The following CYP7B1 variants were observed in gnomAD, a reference collection of about 807,000 sequenced individuals.
CYP7B1 encodes the protein cytochrome P450 7B1.
Under a neutral mutation model 42.7 loss-of-function variants are expected in CYP7B1, and 29 were observed. That is an observed-to-expected ratio of 0.68 (90% CI 0.51 to 0.93). The LOEUF (loss-of-function observed/expected upper bound fraction) is 0.93. Among genes scored for constraint, CYP7B1 ranks in the 40% least tolerant of loss-of-function variants. The pLI, the probability that CYP7B1 is intolerant of heterozygous loss-of-function variation, is 0.00. For synonymous variants in CYP7B1, 235 were observed against 218.2 expected (o/e 1.08, Z -0.68); for missense variants, 655 against 600.5 (o/e 1.09, Z -0.95).
intron 1 of CYP7B1, among the ~76,000 whole-genome samples, chr8:64,793,057 A>G (rs1240496795): frequency 6.6e-6 from 1 of 152,174 alleles, no homozygotes; most frequent in Non-Finnish European, 1.5e-5. Context: ...ATTTGAATTT[A>G]AGTGGCACCT....
chr8:64,729,596 G>A (rs1281589247), intron 1 of CYP7B1, among the ~76,000 whole-genome samples: 3 of 152,180 alleles, frequency 2.0e-5, no homozygotes, highest in African/African-American at 4.8e-5. Context: ...CCAGCATAGT[G>A]TAATTTAAAA....
rs540578806 is a variant in CYP7B1 at position 64,665,559 on chromosome 8, G to GTT, written c.123-41022_123-41021dup. 6.1e-3 allele frequency among the ~76,000 whole-genome samples: 317 copies of GTT among 52,042 alleles called. 21 individuals are homozygous for GTT. Among genetic ancestry groups the GTT allele is most frequent in the East Asian group, 0.023 (34 of 1,458 alleles). 34.1% of individuals were successfully genotyped at this position (52,042 alleles called of 152,430 possible). On this transcript the variant is annotated intron_variant, in intron 1 of 5. Coordinates refer to ENST00000310193, the MANE Select transcript of CYP7B1 (RefSeq NM_004820.5). Reference sequence around the variant, plus strand: ...ATTTTAAGTGTTTTTTTTTTTGGTGGTTTTTTTTTTTTTTTTTTTTTTTTT... The same window carrying GTT: ...ATTTTAAGTGTTTTTTTTTTTGGTGGTTTTTTTTTTTTTTTTTTTTTTTTTTT...
At chr8:64,599,565 A>G (rs1038114747) in intron 5 of CYP7B1, among the ~76,000 whole-genome samples, 2 of 152,186 alleles carry the variant, frequency 1.3e-5, no homozygotes, top group Non-Finnish European at 2.9e-5. Context: ...ATAGATGAGA[A>G]TAGAAAAATC....
At chr8:64,689,502 T>C (rs1022550527) in intron 1 of CYP7B1, among the ~76,000 whole-genome samples, 1 of 152,218 alleles carries the variant, frequency 6.6e-6, no homozygotes, top group Non-Finnish European at 1.5e-5. Context: ...TGTTGAAATA[T>C]CCATTGTTTT....
chr8:64,766,522 A>G (rs2129634049), intron 1 of CYP7B1, among the ~76,000 whole-genome samples: 1 of 152,232 alleles, frequency 6.6e-6, no homozygotes, highest in South Asian at 2.1e-4. Flanking sequence ...GGATTAAAAA[A>G]AAAAAAAGGC....
At chr8:64,712,734 T>C (rs1807099643) in intron 1 of CYP7B1, among the ~76,000 whole-genome samples, 1 of 145,760 alleles carries the variant, frequency 6.9e-6, no homozygotes, top group African/African-American at 2.5e-5. Context: ...TATATGTATA[T>C]GTCTCATTAT....
Position 64,664,468 on chromosome 8 carries a change from T to C in CYP7B1, c.123-39929A>G, listed in dbSNP as rs901318056. ...CTGAAACAGATTTTTATCATTATCC[T>C]CTTTTACAGAGAGAGAGAGAGAAAC... is the stretch of plus-strand genomic sequence containing the variant. On this transcript the variant is annotated intron_variant, in intron 1 of 5. Transcript: ENST00000310193. 3.3e-5 allele frequency among the ~76,000 whole-genome samples: 5 copies of C among 152,322 alleles called. No homozygotes were observed. In the South Asian group the frequency reaches 1.0e-3, roughly 32 times the overall value.
chr8:64,795,615 A>C (rs978561196), intron 1 of CYP7B1, among the ~76,000 whole-genome samples: 1 of 152,212 alleles, frequency 6.6e-6, no homozygotes, highest in Non-Finnish European at 1.5e-5. Context: ...CAAAAAACCC[A>C]AAACCAAAAA....
chr8:64,788,487 C>T (rs1046601366), intron 1 of CYP7B1, among the ~76,000 whole-genome samples: 4 of 152,128 alleles, frequency 2.6e-5, no homozygotes, highest in South Asian at 2.1e-4. Flanking sequence ...ACCTGAGGTT[C>T]GTTGCTGTGC....
chr8:64,767,575 T>A (rs1804119267), intron 1 of CYP7B1, among the ~76,000 whole-genome samples: 1 of 152,220 alleles, frequency 6.6e-6, no homozygotes, highest in Admixed American at 6.5e-5. Context: ...ATGGAAATTT[T>A]AAAACCCTTC....
chr8:64,618,510 G>T (rs1302543041), intron 2 of CYP7B1, among the ~76,000 whole-genome samples: 1 of 151,610 alleles, frequency 6.6e-6, no homozygotes, highest in Non-Finnish European at 1.5e-5. Flanking sequence ...TGAAGTAGAG[G>T]CTGTACACAT....
At chr8:64,609,819 T>C (rs1326976660) in intron 4 of CYP7B1, among the ~76,000 whole-genome samples, 12 of 152,112 alleles carry the variant, frequency 7.9e-5, no homozygotes. Flanking sequence ...CTTAAAAAAA[T>C]AAATGCCCCA....
chr8:64,649,417 C>A (rs957862018), intron 1 of CYP7B1, among the ~76,000 whole-genome samples: 1 of 152,138 alleles, frequency 6.6e-6, no homozygotes, highest in African/African-American at 2.4e-5. Context: ...ATATAACATT[C>A]TTTTGTATGT....
intron 1 of CYP7B1, among the ~76,000 whole-genome samples, chr8:64,740,758 C>T (rs911576348): frequency 8.6e-5 from 13 of 151,938 alleles, no homozygotes; most frequent in Non-Finnish European, 5.9e-5. Flanking sequence ...TTAGTTGAAA[C>T]GGGCCAATTC....
chr8:64,608,779 A>G (rs912732798), intron 4 of CYP7B1, among the ~76,000 whole-genome samples: 3 of 152,200 alleles, frequency 2.0e-5, no homozygotes, highest in Admixed American at 6.5e-5. Flanking sequence ...GAAGGTAAAT[A>G]AGAAATTGTG....
intron 1 of CYP7B1, among the ~76,000 whole-genome samples, chr8:64,796,647 T>C (rs1004002639): frequency 1.3e-5 from 2 of 152,154 alleles, no homozygotes; most frequent in Non-Finnish European, 2.9e-5. Flanking sequence ...ATATCTATGT[T>C]TTGTGTGTGT....
At chr8:64,628,440 G>T (rs1185011972) in intron 1 of CYP7B1, among the ~76,000 whole-genome samples, 1 of 151,842 alleles carries the variant, frequency 6.6e-6, no homozygotes, top group Non-Finnish European at 1.5e-5. Flanking sequence ...GAGGCTAGGA[G>T]TTGGAGACCA....
intron 1 of CYP7B1, among the ~76,000 whole-genome samples, chr8:64,796,557 A>T (rs899486343): frequency 6.6e-6 from 1 of 152,220 alleles, no homozygotes; most frequent in Admixed American, 6.5e-5. Flanking sequence ...GTTTGGCAAC[A>T]TCTATTAAAA....
At chr8:64,690,714 A>T (rs1038911989) in intron 1 of CYP7B1, among the ~76,000 whole-genome samples, 1 of 152,224 alleles carries the variant, frequency 6.6e-6, no homozygotes, top group Non-Finnish European at 1.5e-5. Context: ...AATATATATA[A>T]AATAGATTGT....
Sources: gnomAD v4.1 joint callset for allele counts (sites outside exome capture counted in the v4.1 genomes callset) on GRCh38, gnomAD v4.1.1 for gene constraint, MANE v1.5 for transcripts, NCBI Gene and HGNC (gene_info 2026-07-23, HGNC 2026-07-21) for gene names.